The following CAMTA1 variants were observed in gnomAD, a reference collection of about 807,000 sequenced individuals.
CAMTA1 encodes calmodulin binding transcription activator 1, also known as calmodulin-binding transcription activator 1.
CAMTA1 carries 27 observed loss-of-function variants against 170.9 expected under a neutral mutation model. The ratio of observed to expected loss-of-function variants is 0.16; its 90% CI spans 0.12 to 0.22. CAMTA1 has a LOEUF of 0.22. CAMTA1 is among the 10% of genes least tolerant of loss of function. The pLI, the probability that CAMTA1 is intolerant of heterozygous loss-of-function variation, is 1.00. For missense variants in CAMTA1, 1,619 were observed against 2,217.2 expected, an observed-to-expected ratio of 0.73 and a Z score of 5.42; for synonymous variants, 833 against 891.5, an observed-to-expected ratio of 0.93 and a Z score of 1.17.
chr1:7,467,348 C>T (rs370064428), intron 5 of CAMTA1, among the ~76,000 whole-genome samples: 1 of 152,332 alleles, frequency 6.6e-6, no homozygotes, highest in East Asian at 1.9e-4. Context: ...CCCTGTCCCC[C>T]CTGGTTGGGC....
chr1:7,446,181 GAAA>G (rs59283865), intron 5 of CAMTA1, among the ~76,000 whole-genome samples: 3 of 128,300 alleles, frequency 2.3e-5, no homozygotes, highest in Middle Eastern at 3.8e-3. Flanking sequence ...ACTCTGCTGT[GAAA>G]AAAAAAAAAA....
At chr1:6,838,072 A>G (rs2148662385) in intron 3 of CAMTA1, among the ~76,000 whole-genome samples, 1 of 152,320 alleles carries the variant, frequency 6.6e-6, no homozygotes, top group East Asian at 1.9e-4. Flanking sequence ...AAGTATATAC[A>G]ATAGTCCCTG....
chr1:7,372,370 G>A (rs1239034614), intron 5 of CAMTA1, among the ~76,000 whole-genome samples: 2 of 152,174 alleles, frequency 1.3e-5, no homozygotes, highest in African/African-American at 4.8e-5. Flanking sequence ...TATCCTTGCT[G>A]TATGTGTTTA....
At chr1:7,703,401 AG>A (rs2096463893) in intron 11 of CAMTA1, among the ~76,000 whole-genome samples, 1 of 152,202 alleles carries the variant, frequency 6.6e-6, no homozygotes, top group South Asian at 2.1e-4. Flanking sequence ...GCTTCGGAAC[AG>A]GAGAGGAACT....
intron 5 of CAMTA1, among the ~76,000 whole-genome samples, chr1:7,457,089 G>A (rs898896300): frequency 5.2e-5 from 5 of 95,324 alleles, no homozygotes; most frequent in Non-Finnish European, 8.2e-5. Flanking sequence ...CTGCGCCAAC[G>A]TGCCCCTCAC....
At chr1:7,621,554 G>A (rs1367001069) in intron 6 of CAMTA1, among the ~76,000 whole-genome samples, 1 of 152,228 alleles carries the variant, frequency 6.6e-6, no homozygotes, top group Non-Finnish European at 1.5e-5. Context: ...GCTCGGTAGA[G>A]GTACTCCCCT....
intron 1 of CAMTA1, among the ~76,000 whole-genome samples, chr1:6,804,817 A>G (rs1644331616): frequency 6.6e-6 from 1 of 152,132 alleles, no homozygotes; most frequent in Non-Finnish European, 1.5e-5. Context: ...CGGACTCCCA[A>G]GTGCTGGGAT....
chr1:7,488,173 C>T lies in CAMTA1; in HGVS notation c.510+20272C>T, dbSNP rs142767668. Among the ~76,000 whole-genome samples, 31 of 152,342 alleles carry T rather than the reference C, an allele frequency of 2.0e-4. No homozygotes were observed. The East Asian group carries it at 4.0e-3, about 20-fold the overall frequency. On this transcript the variant is annotated intron_variant, in intron 6 of 22. Transcript: ENST00000303635. The stretch of plus-strand genomic sequence containing the variant: ...TCCCTCTAGAATCTCTCTGCAATCT[C>T]TCTAGAATCTCTCTAGGTGCTTGAT...
intron 4 of CAMTA1, among the ~76,000 whole-genome samples, chr1:7,178,821 G>T (rs185161555): frequency 5.6e-4 from 86 of 152,232 alleles, no homozygotes; most frequent in Non-Finnish European, 1.2e-3. Context: ...ACACAACATG[G>T]TACCAAGAAG....
chr1:7,271,112 C>A (rs61780043), intron 5 of CAMTA1, among the ~76,000 whole-genome samples: 3,575 of 152,118 alleles, frequency 0.024, 55 homozygotes, highest in Non-Finnish European at 0.036. Flanking sequence ...GGAGATGGGG[C>A]CTCTAAGGAA....
At chr1:7,433,253 C>T (rs534135443) in intron 5 of CAMTA1, among the ~76,000 whole-genome samples, 1 of 152,344 alleles carries the variant, frequency 6.6e-6, no homozygotes, top group South Asian at 2.1e-4. Context: ...AAGGGCTGTG[C>T]TGCCTGCATC....
At chr1:7,230,112 C>A (rs1662453546) in intron 4 of CAMTA1, among the ~76,000 whole-genome samples, 1 of 151,442 alleles carries the variant, frequency 6.6e-6, no homozygotes, top group Admixed American at 6.6e-5. Flanking sequence ...CCTAGGGTGT[C>A]CCCCCCCACC....
At chr1:7,017,406 A>C (rs1700718333) in intron 3 of CAMTA1, among the ~76,000 whole-genome samples, 2 of 152,212 alleles carry the variant, frequency 1.3e-5, no homozygotes, top group Non-Finnish European at 2.9e-5. Context: ...AGACATAAAC[A>C]CAAGGAGGAT....
At chr1:6,798,277 C>T (rs978701575) in intron 1 of CAMTA1, among the ~76,000 whole-genome samples, 2 of 151,960 alleles carry the variant, frequency 1.3e-5, no homozygotes, top group African/African-American at 2.4e-5. Flanking sequence ...TGTGAGCTAC[C>T]GCACCCAGCC....
intron 5 of CAMTA1, among the ~76,000 whole-genome samples, chr1:7,324,696 T>C (rs1284078169): frequency 1.3e-5 from 2 of 150,322 alleles, no homozygotes; most frequent in Non-Finnish European, 3.0e-5. Context: ...TAATCCCAGC[T>C]ACTAGGAGGC....
intron 6 of CAMTA1, among the ~76,000 whole-genome samples, chr1:7,563,088 C>T (rs2094981866): frequency 1.3e-5 from 2 of 152,234 alleles, no homozygotes; most frequent in South Asian, 4.1e-4. Context: ...ACCAGCCCCT[C>T]CCCAGCCCCA....
intron 5 of CAMTA1, among the ~76,000 whole-genome samples, chr1:7,272,538 A>G (rs1669951832): frequency 6.6e-6 from 1 of 152,050 alleles, no homozygotes; most frequent in African/African-American, 2.4e-5. Context: ...TATTGGCATA[A>G]GAATAGACGT....
At chr1:7,446,438 C>T (rs1422099038) in intron 5 of CAMTA1, among the ~76,000 whole-genome samples, 1 of 152,186 alleles carries the variant, frequency 6.6e-6, no homozygotes, top group African/African-American at 2.4e-5. Flanking sequence ...GATACTCTGT[C>T]TGGGGCTCTG....
At chr1:7,118,582 C>T (rs1644472224) in intron 4 of CAMTA1, among the ~76,000 whole-genome samples, 1 of 151,980 alleles carries the variant, frequency 6.6e-6, no homozygotes, top group African/African-American at 2.4e-5. Context: ...AGAAGTTTGT[C>T]TGAGCTTTGA....
Sources: gnomAD v4.1 joint callset for allele counts (sites outside exome capture counted in the v4.1 genomes callset) on GRCh38, gnomAD v4.1.1 for gene constraint, MANE v1.5 for transcripts, NCBI Gene and HGNC (gene_info 2026-07-23, HGNC 2026-07-21) for gene names.